The following LGALS8 variants were observed in gnomAD, a reference collection of about 807,000 sequenced individuals.
LGALS8 encodes galectin-8.
LGALS8 carries 30 observed loss-of-function variants against 35.9 expected under a neutral mutation model. That is an observed-to-expected ratio of 0.83 (90% CI 0.62 to 1.13). LGALS8 has a LOEUF of 1.13. Among genes scored for constraint, LGALS8 ranks in the 50% most tolerant of loss-of-function variants. LGALS8 has a pLI of 0.00. For synonymous variants in LGALS8, 138 were observed against 136.1 expected (o/e 1.01, Z -0.10); for missense variants, 366 against 388.7 (o/e 0.94, Z 0.49).
In LGALS8 at chr1:236,552,334, C is replaced by T; in HGVS notation, c.*4173C>T. 3.1e-6 allele frequency: 1 copy of T among 327,386 alleles called. No individual in the cohort carries two copies. Among genetic ancestry groups the T allele is most frequent in the Non-Finnish European group, 5.5e-6 (1 of 181,238 alleles). 20.3% of individuals were successfully genotyped at this position (327,386 alleles called of 1,614,324 possible). A position where few individuals can be genotyped will look rare whatever the true frequency, so the allele number is the denominator to read the frequency against. On this transcript the variant is annotated 3_prime_UTR_variant, in exon 10 of 10. Transcript: ENST00000366584. ...AAATAGTGTTTTCCAAACTGTGTCC[C>T]AGGACTGCAAATCTTTAATGTGAAA...
chr1:236,522,274 T>C (rs75923832), upstream of LGALS8, among the ~76,000 whole-genome samples: 1,308 of 152,318 alleles, frequency 8.6e-3, 43 homozygotes, highest in East Asian at 0.092. Context: ...TTATGTGTAC[T>C]TATTTCAACT....
chr1:236,524,380 C>T (rs952502878), intron 1 of LGALS8: 9 of 456,646 alleles, frequency 2.0e-5, no homozygotes, highest in Non-Finnish European at 4.0e-5. Context: ...AAACCCACCC[C>T]ACCTGGGCTG....
upstream of LGALS8, chr1:236,523,594 C>G (rs1018618617): frequency 6.3e-5 from 10 of 159,042 alleles, no homozygotes; most frequent in Admixed American, 4.7e-4. Flanking sequence ...GAGCGCCCTC[C>G]CTCCTAGACC....
chr1:236,524,250 G>C (rs779284211), intron 1 of LGALS8, 189 bp downstream of exon 1: 13 of 455,896 alleles, frequency 2.9e-5, no homozygotes, highest in Non-Finnish European at 5.7e-5. Flanking sequence ...GCTGGGTGGC[G>C]GGGACGCTGC....
intron 1 of LGALS8, chr1:236,525,373 TG>T (rs1660757640): frequency 6.6e-6 from 1 of 151,900 alleles, no homozygotes; most frequent in African/African-American, 2.4e-5. Flanking sequence ...TGTACGGGAC[TG>T]TTTGATTAGT....
chr1:236,537,670 C>T (rs2103088862), intron 3 of LGALS8, 85 bp downstream of exon 3: 1 of 991,958 alleles, frequency 1.0e-6, no homozygotes, highest in Non-Finnish European at 1.6e-6. Flanking sequence ...GCGGGAGAGA[C>T]CATTTGATAC....
At chr1:236,547,983 C>T (rs1327155029) in intron 9 of LGALS8, 29 bp from the exon 10 acceptor site, 2 of 1,590,334 alleles carry the variant, frequency 1.3e-6, no homozygotes, top group African/African-American at 1.3e-5. Context: ...TAAGGGGAAC[C>T]ACTAATGGCA....
At position 236,548,618 on chromosome 1, in the gene LGALS8, A is replaced by G. The variant is rs1201213533; in HGVS notation, c.*457A>G. The G allele has an allele frequency of 3.4e-6, 1 of 294,568 alleles. No homozygotes were observed. Among genetic ancestry groups the G allele is most frequent in the Non-Finnish European group, 6.2e-6 (1 of 160,602 alleles). The allele number at this position is 294,568 out of a possible 1,614,324, so 18.2% of individuals were successfully genotyped here. A position where few individuals can be genotyped will look rare whatever the true frequency, so the allele number is the denominator to read the frequency against. ...GCACTGCTTTTTCTACAGGCATTAC[A>G]TCAACTCCTAAGGGGTCCTCTGGGA... On this transcript the variant is annotated 3_prime_UTR_variant, in exon 10 of 10. Coordinates refer to ENST00000366584, the MANE Select transcript of LGALS8 (RefSeq NM_201544.4).
chr1:236,546,872 T>C (rs1249575810), intron 9 of LGALS8, among the ~76,000 whole-genome samples: 4 of 152,226 alleles, frequency 2.6e-5, no homozygotes, highest in African/African-American at 9.6e-5. Flanking sequence ...CTTGTGGGGA[T>C]AGAATCTCAG....
In LGALS8 at chr1:236,529,379, C is replaced by T. The variant is rs562230125; in HGVS notation, c.45+3264C>T. ...AGAGGATCACTTGAGGTCAGGAGTT[C>T]GAGACCAGCCTGACTAACACAGTGA... On this transcript the variant is annotated intron_variant, in intron 2 of 9. Transcript: ENST00000366584. Among the ~76,000 whole-genome samples, 57 of 152,036 alleles carry T rather than the reference C, an allele frequency of 3.7e-4. No homozygotes were observed. In the East Asian group the frequency reaches 8.0e-3, roughly 21 times the overall value.
In LGALS8 at chr1:236,526,522, AAT is replaced by A. The variant is rs1210730292; in HGVS notation, c.45+409_45+410del. On this transcript the variant is annotated intron_variant, in intron 2 of 9. Coordinates refer to ENST00000366584, the MANE Select transcript of LGALS8 (RefSeq NM_201544.4). This position sits in a 1 kb window ranked among gnomAD's most constrained non-coding sequence, Gnocchi z 4.6. ...TCTCGATCTTTCCCTCAGCCTTTCA[AAT>A]ACTGCTTGGCCCTTGAGCAGGGAAA... The A allele has an allele frequency of 1.3e-5, 2 of 159,900 alleles. No homozygotes were observed. The highest frequency in any genetic ancestry group is 4.8e-5 in the African/African-American group (2 of 41,640). 9.9% of individuals were successfully genotyped at this position (159,900 alleles called of 1,614,324 possible). A position where few individuals can be genotyped will look rare whatever the true frequency, so the allele number is the denominator to read the frequency against.
rs1660841471 is a variant in LGALS8, at chr1:236,526,839, A to G, written c.45+724A>G. Among the ~76,000 whole-genome samples, 1 of 152,172 alleles carries G rather than the reference A, an allele frequency of 6.6e-6. No homozygotes were observed. The highest frequency in any genetic ancestry group is 1.5e-5 in the Non-Finnish European group (1 of 68,026). On this transcript the variant is annotated intron_variant, in intron 2 of 9. Coordinates refer to ENST00000366584, the MANE Select transcript of LGALS8 (RefSeq NM_201544.4). The surrounding 1 kb of genome is among the most constrained non-coding windows in gnomAD (Gnocchi z 4.6). ...AGGAAGGGTGAGAATCCTTAAAATG[A>G]GGCCCTAAACCAGTTTTGTTAGTGT...
At chr1:236,547,944 T>C in intron 9 of LGALS8, 68 bp from the exon 10 acceptor site, 2 of 1,358,284 alleles carry the variant, frequency 1.5e-6, no homozygotes, top group African/African-American at 1.4e-5. Context: ...CTGACACCGT[T>C]AGCATGTAAC....
intron 4 of LGALS8, 73 bp from the exon 5 acceptor site, chr1:236,540,491 T>G: frequency 6.9e-7 from 1 of 1,440,564 alleles, no homozygotes; most frequent in South Asian, 1.5e-5. Context: ...ACATTTAAAT[T>G]TGGATAATAA....
chr1:236,548,200 T>C lies in LGALS8; in HGVS notation c.*39T>C. The C allele has an allele frequency of 6.4e-7, 1 of 1,572,376 alleles. No individual in the cohort carries two copies. The highest frequency in any genetic ancestry group is 1.1e-5 in the South Asian group (1 of 87,192). The stretch of plus-strand genomic sequence containing the variant: ...CTGCTACAAAAACCAAAATACAGAA[T>C]GGCTTCTGTGATACTGGCCTTGCTG... On this transcript the variant is annotated 3_prime_UTR_variant, in exon 10 of 10. Coordinates refer to ENST00000366584, the MANE Select transcript of LGALS8 (RefSeq NM_201544.4).
chr1:236,544,988 T>A, intron 9 of LGALS8, 73 bp downstream of exon 9: 2 of 1,177,070 alleles, frequency 1.7e-6, no homozygotes, highest in Non-Finnish European at 2.4e-6. Flanking sequence ...GTGGTCCATT[T>A]AAATCAAGTC....
At chr1:236,543,147 A>G (rs1662123321) in intron 7 of LGALS8, 5 of 1,016,088 alleles carry the variant, frequency 4.9e-6, no homozygotes, top group Non-Finnish European at 7.6e-6. Context: ...CCCCCTCTGC[A>G]TTTGTGTGCC....
chr1:236,539,703 C>T (rs555947790), intron 4 of LGALS8, among the ~76,000 whole-genome samples: 5 of 152,322 alleles, frequency 3.3e-5, no homozygotes, highest in Non-Finnish European at 7.3e-5. Context: ...ACTCGAATGC[C>T]TCTGGCGCAG....
Position 236,549,117 on chromosome 1 carries a change from G to T in LGALS8, c.*956G>T, listed in dbSNP as rs1030999620. On this transcript the variant is annotated 3_prime_UTR_variant, in exon 10 of 10. Transcript: ENST00000366584. ...CGCCAACTAAGGGACCCACAAAGCAGGCAGAGGTAATGCAGAAATCTGTTT... is the reference window on the plus strand; with the variant it reads ...CGCCAACTAAGGGACCCACAAAGCATGCAGAGGTAATGCAGAAATCTGTTT... 18 of 397,358 alleles carry T rather than the reference G, an allele frequency of 4.5e-5. No individual in the cohort carries two copies. In the Admixed American group the frequency reaches 6.2e-4, roughly 14 times the overall value. The allele number at this position is 397,358 out of a possible 1,614,324, so 24.6% of individuals were successfully genotyped here.
Sources: gnomAD v4.1 joint callset for allele counts (sites outside exome capture counted in the v4.1 genomes callset) on GRCh38, gnomAD v4.1.1 for gene constraint, Gnocchi (gnomAD v3.1) non-coding constraint, MANE v1.5 for transcripts, NCBI Gene and HGNC (gene_info 2026-07-23, HGNC 2026-07-21) for gene names.